PGM5: variants seen among roughly 807,000 people sequenced by gnomAD.
PGM5 encodes the protein phosphoglucomutase-like protein 5.
PGM5 carries 23 observed loss-of-function variants against 59.2 expected under a neutral mutation model. The ratio of observed to expected loss-of-function variants is 0.39; its 90% CI spans 0.28 to 0.55. The LOEUF (loss-of-function observed/expected upper bound fraction) is 0.55, where lower values mean the gene tolerates loss of function less well. PGM5 is among the 20% of genes least tolerant of loss of function. The pLI is 0.66. For missense variants in PGM5, 574 were observed against 748.3 expected (o/e 0.77, Z 2.72); for synonymous variants, 214 against 286.0 (o/e 0.75, Z 2.54).
intron 1 of PGM5, among the ~76,000 whole-genome samples, chr9:68,364,255 G>A (rs1264158917): frequency 6.6e-6 from 1 of 151,964 alleles, no homozygotes; most frequent in Non-Finnish European, 1.5e-5. Flanking sequence ...GTTTGTGCAG[G>A]TTGTATTTGA....
intron 6 of PGM5, among the ~76,000 whole-genome samples, chr9:68,463,430 G>C (rs1823887748): frequency 6.6e-6 from 1 of 152,018 alleles, no homozygotes; most frequent in African/African-American, 2.4e-5. Context: ...AATGTCTGTG[G>C]TACCAGCTCA....
chr9:68,392,528 C>G (rs1822392114), intron 6 of PGM5, 55 bp downstream of exon 6: 2 of 1,594,128 alleles, frequency 1.3e-6, no homozygotes, highest in South Asian at 2.3e-5. Flanking sequence ...GCGTTGATGT[C>G]TCCTTTGTTG....
chr9:68,437,183 G>C lies in PGM5; in HGVS notation c.1044-27910G>C, dbSNP rs1554683410. On this transcript the variant is annotated intron_variant, in intron 6 of 10. Transcript: ENST00000396396. The surrounding 1 kb of genome is among the most constrained non-coding windows in gnomAD (Gnocchi z 4.1). ...ATGAGATCATGACACATACCTGTCAGTGACATGCAAATTAAAAATTCTTGG... is the reference window on the plus strand; with the variant it reads ...ATGAGATCATGACACATACCTGTCACTGACATGCAAATTAAAAATTCTTGG... Among the ~76,000 whole-genome samples the C allele has an allele frequency of 6.6e-6, 1 of 152,172 alleles. No homozygotes were observed. The highest frequency in any genetic ancestry group is 2.4e-5 in the African/African-American group (1 of 41,440).
chr9:68,360,343 A>G (rs1459973844), intron 1 of PGM5, among the ~76,000 whole-genome samples: 1 of 151,104 alleles, frequency 6.6e-6, no homozygotes, highest in African/African-American at 2.4e-5. Flanking sequence ...TTTTATTATA[A>G]AATTATTATA....
intron 6 of PGM5, among the ~76,000 whole-genome samples, chr9:68,455,865 G>A (rs544408563): frequency 6.6e-6 from 1 of 152,324 alleles, no homozygotes; most frequent in African/African-American, 2.4e-5. Context: ...AATTGGAATA[G>A]CAGGGGTCTG....
intron 10 of PGM5, among the ~76,000 whole-genome samples, chr9:68,508,225 A>G (rs1411760728): frequency 6.6e-6 from 1 of 152,154 alleles, no homozygotes; most frequent in East Asian, 1.9e-4. Context: ...AAATCTTGCA[A>G]GAATACCGGC....
intron 9 of PGM5, among the ~76,000 whole-genome samples, chr9:68,489,900 C>A (rs1425610721): frequency 6.8e-6 from 1 of 147,202 alleles, no homozygotes; most frequent in Non-Finnish European, 1.5e-5. Context: ...TAACTCTGAG[C>A]TGATTAATAC....
At chr9:68,406,640 T>C (rs77714415) in intron 6 of PGM5, 1 of 115,302 alleles carries the variant, frequency 8.7e-6, no homozygotes. Flanking sequence ...CACAGGGTCT[T>C]GTACTGAGGA....
At chr9:68,458,627 G>T (rs936881780) in intron 6 of PGM5, among the ~76,000 whole-genome samples, 20 of 152,096 alleles carry the variant, frequency 1.3e-4, no homozygotes, top group Admixed American at 1.2e-3. Flanking sequence ...AGACAGGCAA[G>T]GCAGGGGTTA....
chr9:68,528,077 T>C (rs1218060345), intron 10 of PGM5, among the ~76,000 whole-genome samples: 2 of 152,158 alleles, frequency 1.3e-5, no homozygotes, highest in African/African-American at 4.8e-5. Flanking sequence ...TGCATGGGAA[T>C]AGGTTAGGGC....
intron 1 of PGM5, among the ~76,000 whole-genome samples, chr9:68,376,835 C>CTCTTTCTTTCTTTCTTTCTTTCT (rs1563984870): frequency 7.9e-4 from 46 of 58,596 alleles, no homozygotes; most frequent in East Asian, 2.4e-3. Context: ...CTTTCTTTCT[C>CTCTTTCTTTCTTTCTTTCTTTCT]TTTCTTTCTT....
At chr9:68,422,569 G>T (rs1823150994) in intron 6 of PGM5, among the ~76,000 whole-genome samples, 1 of 151,990 alleles carries the variant, frequency 6.6e-6, no homozygotes, top group Admixed American at 6.6e-5. Flanking sequence ...TGGAATTATA[G>T]GTGTGAGCCA....
At chr9:68,431,673 A>T (rs1564004067) in intron 6 of PGM5, among the ~76,000 whole-genome samples, 1 of 152,180 alleles carries the variant, frequency 6.6e-6, no homozygotes, top group Non-Finnish European at 1.5e-5. Context: ...TAACAGCTAG[A>T]AGGGCAAAAT....
intron 3 of PGM5, among the ~76,000 whole-genome samples, 155 bp from the exon 4 acceptor site, chr9:68,387,308 C>T (rs1327062704): frequency 6.6e-6 from 1 of 151,998 alleles, no homozygotes; most frequent in Non-Finnish European, 1.5e-5. Context: ...TGATTTTTGT[C>T]AACAAATGGG....
intron 9 of PGM5, chr9:68,497,910 G>T (rs1360980277): frequency 6.6e-6 from 1 of 152,206 alleles, no homozygotes; most frequent in Non-Finnish European, 1.5e-5. Flanking sequence ...TGCCTCTACT[G>T]AGAAGAGATA....
At position 68,364,224 on chromosome 9, in the gene PGM5, G is replaced by A. The variant is rs565755281; in HGVS notation, c.261+6836G>A. On this transcript the variant is annotated intron_variant, in intron 1 of 10. Transcript: ENST00000396396. ...AGAAGGCTGGCTCAGTAGGAGCCTT[G>A]GGAGTGTCCTCCAGATAGATGTTTG... Among the ~76,000 whole-genome samples, 413 of 151,774 alleles carry A rather than the reference G, an allele frequency of 2.7e-3. 1 individual carries two copies. The highest frequency in any genetic ancestry group is 9.3e-3 in the African/African-American group (386 of 41,464).
chr9:68,525,180 C>T (rs865859952), intron 10 of PGM5, among the ~76,000 whole-genome samples: 15 of 151,682 alleles, frequency 9.9e-5, no homozygotes, highest in African/African-American at 2.9e-4. Flanking sequence ...AGTAAAAACC[C>T]GGCACTGTTG....
rs1385111296 is a variant in PGM5 at position 68,373,880 on chromosome 9, T to C, written c.262-4319T>C. On this transcript the variant is annotated intron_variant, in intron 1 of 10. Transcript: ENST00000396396. ...TTGCCTAGAGCCACATGATTACCTG[T>C]ACTGAATCTGTAGAAAGAGAAATAA... Among the ~76,000 whole-genome samples the C allele has an allele frequency of 2.0e-5, 3 of 152,350 alleles. No homozygotes were observed. In the East Asian group the frequency reaches 5.8e-4, roughly 29 times the overall value.
intron 6 of PGM5, among the ~76,000 whole-genome samples, chr9:68,399,958 C>T (rs1373333675): frequency 1.2e-4 from 19 of 152,054 alleles, no homozygotes; most frequent in African/African-American, 4.3e-4. Context: ...TCCAGATGTA[C>T]CACTAATCAC....
Sources: allele counts gnomAD v4.1 joint callset (sites outside exome capture counted in the v4.1 genomes callset), GRCh38; gene constraint gnomAD v4.1.1; non-coding constraint Gnocchi (gnomAD v3.1); transcripts MANE v1.5; gene names NCBI Gene and HGNC (gene_info 2026-07-23, HGNC 2026-07-21).